The following MAD2L2 variants were observed in gnomAD, a reference collection of about 807,000 sequenced individuals.
The protein encoded by MAD2L2 is mitotic spindle assembly checkpoint protein MAD2B.
A neutral mutation model predicts 30.5 loss-of-function variants in MAD2L2; 17 were observed. That is an observed-to-expected ratio of 0.56 (90% confidence interval 0.38 to 0.84). The LOEUF (loss-of-function observed/expected upper bound fraction) is 0.84, where lower values mean the gene tolerates loss of function less well. Ranked by LOEUF, MAD2L2 falls within the 40% of genes least tolerant of loss-of-function variation. The pLI is 0.00. For synonymous variants in MAD2L2, 101 were observed against 113.9 expected, an observed-to-expected ratio of 0.89 and a Z score of 0.72; for missense variants, 213 against 277.4, an observed-to-expected ratio of 0.77 and a Z score of 1.65.
chr1:11,689,613 G>C (rs1031001609), intron 1 of MAD2L2, among the ~76,000 whole-genome samples: 1 of 152,124 alleles, frequency 6.6e-6, no homozygotes, highest in Non-Finnish European at 1.5e-5. Flanking sequence ...AACAAAAGGC[G>C]GGGGGAGGGG....
rs369306059 is a variant in MAD2L2, at chr1:11,676,033, G to C, written c.427+13C>G. ...GAAATGCCAAGGGAAGAGAGGGTGG[G>C]GAGTGGACACACCTGGGGGGTTGTG... On this transcript the variant is annotated intron_variant, in intron 6 of 8. Transcript: ENST00000376692. 1 of 1,608,010 alleles carries C rather than the reference G, an allele frequency of 6.2e-7. No individual in the cohort carries two copies. Among genetic ancestry groups the C allele is most frequent in the East Asian group, 2.2e-5 (1 of 44,848 alleles).
In MAD2L2 at chr1:11,674,685, T is replaced by C. The variant is rs2100704529; in HGVS notation, c.*90A>G. 7.2e-7 allele frequency: 1 copy of C among 1,386,502 alleles called. No individual in the cohort carries two copies. Among genetic ancestry groups the C allele is most frequent in the Non-Finnish European group, 1.0e-6 (1 of 981,246 alleles). 85.9% of individuals were successfully genotyped at this position (1,386,502 alleles called of 1,614,324 possible). A position where few individuals can be genotyped will look rare whatever the true frequency, so the allele number is the denominator to read the frequency against. ...CCACACACAGAGGCGATAAGAGCAC[T>C]TGGAATCAGGGCAGCCATGCAGCAC... On this transcript the variant is annotated 3_prime_UTR_variant, in exon 9 of 9. Coordinates refer to ENST00000376692, the MANE Select transcript of MAD2L2 (RefSeq NM_006341.4). This position sits in a 1 kb window ranked among gnomAD's most constrained non-coding sequence, Gnocchi z 6.1.
At chr1:11,682,126 C>T (rs1640889730), upstream of MAD2L2, 1 of 152,228 alleles carries the variant, frequency 6.6e-6, no homozygotes, top group Non-Finnish European at 1.5e-5. Context: ...TTTATAGCCC[C>T]ACTTTACAGA....
rs969168903 is a variant in MAD2L2, at chr1:11,687,204, T to C, written c.-692+4209A>G. On this transcript the variant is annotated intron_variant, in intron 1 of 10. Transcript: ENST00000235310. The surrounding 1 kb of genome is among the most constrained non-coding windows in gnomAD (Gnocchi z 4.1). ...CCTCAGCCTCCCCAATAGCTGGGGC[T>C]ACAGGTGTGCACCATCACACCCAGC... Among the ~76,000 whole-genome samples the C allele has an allele frequency of 1.3e-5, 2 of 152,178 alleles. No homozygotes were observed. The highest frequency in any genetic ancestry group is 2.1e-4 in the South Asian group (1 of 4,830).
At chr1:11,685,437 C>T (rs1387398219), upstream of MAD2L2, among the ~76,000 whole-genome samples, 1 of 152,150 alleles carries the variant, frequency 6.6e-6, no homozygotes, top group Admixed American at 6.5e-5. Context: ...AAAACAAAAG[C>T]AAGGGCTGTG....
intron 3 of MAD2L2, among the ~76,000 whole-genome samples, chr1:11,677,903 C>G (rs1323407359): frequency 6.6e-6 from 1 of 151,472 alleles, no homozygotes; most frequent in Non-Finnish European, 1.5e-5. Flanking sequence ...ACTAAAAATA[C>G]AAAAATTAGC....
chr1:11,675,673 C>T lies in MAD2L2; in HGVS notation c.486G>A (p.Lys162=). Residue 162 remains lysine, a synonymous_variant, in exon 7 of 9, where the codon AAG becomes AAA. Coordinates refer to ENST00000376692, the MANE Select transcript of MAD2L2 (RefSeq NM_006341.4). Reference sequence around the variant, plus strand: ...CTCATCTCACCTTGATGACCTGGATCTTCTCCATGTTGCGAGTGGCGGCTT... The same window carrying T: ...CTCATCTCACCTTGATGACCTGGATTTTCTCCATGTTGCGAGTGGCGGCTT... The part of the protein sequence containing the change: ...TREAATRNME[K]IQVIKDFPWI... 3 of 1,614,122 alleles carry T rather than the reference C, an allele frequency of 1.9e-6. No individual in the cohort carries two copies. The highest frequency in any genetic ancestry group is 2.5e-6 in the Non-Finnish European group (3 of 1,179,988).
chr1:11,676,075 C>T lies in MAD2L2; in HGVS notation c.398G>A (p.Cys133Tyr). 1 of 1,613,288 alleles carries T rather than the reference C, an allele frequency of 6.2e-7. No individual in the cohort carries two copies. The highest frequency in any genetic ancestry group is 1.3e-5 in the African/African-American group (1 of 75,026). ...GGGGTTGTGGTCCAGGACGGCATCG[C>T]ACACGCTGATCTTCAGGATGAAGGC... ...LRAFILKISV[C>Y]DAVLDHNPPG... The change falls in exon 6 of 9, where the codon TGC (cysteine) becomes TAC (tyrosine). Residue 133 changes from cysteine to tyrosine, a missense_variant. Coordinates refer to ENST00000376692, the MANE Select transcript of MAD2L2 (RefSeq NM_006341.4).
At chr1:11,682,415 C>T (rs1640893170), upstream of MAD2L2, among the ~76,000 whole-genome samples, 4 of 152,072 alleles carry the variant, frequency 2.6e-5, no homozygotes, top group African/African-American at 9.7e-5. Context: ...ACTTGTTTAT[C>T]GTTTACAGCT....
intron 2 of MAD2L2, 40 bp from the exon 3 acceptor site, chr1:11,680,511 C>T (rs1232897965): frequency 6.2e-7 from 1 of 1,611,218 alleles, no homozygotes; most frequent in Non-Finnish European, 8.5e-7. Context: ...TCGAGGAAGC[C>T]CGCCGGCCCA....
intron 3 of MAD2L2, among the ~76,000 whole-genome samples, chr1:11,679,086 C>T (rs548718464): frequency 6.5e-4 from 99 of 152,318 alleles, no homozygotes; most frequent in African/African-American, 2.3e-3. Context: ...ATCACTTGAA[C>T]CCAGGAGGTG....
In MAD2L2 at chr1:11,674,711, T is replaced by C; in HGVS notation, c.*64A>G. On this transcript the variant is annotated 3_prime_UTR_variant, in exon 9 of 9. Transcript: ENST00000376692. The surrounding 1 kb of genome is among the most constrained non-coding windows in gnomAD (Gnocchi z 6.1). Reference sequence around the variant, plus strand: ...TGGAATCAGGGCAGCCATGCAGCACTGCCCTAGGCGGGGATCCCCCAAAGT... The same window carrying C: ...TGGAATCAGGGCAGCCATGCAGCACCGCCCTAGGCGGGGATCCCCCAAAGT... The C allele has an allele frequency of 6.5e-7, 1 of 1,549,650 alleles. No individual in the cohort carries two copies. Among genetic ancestry groups the C allele is most frequent in the Non-Finnish European group, 8.9e-7 (1 of 1,123,818 alleles).
rs546300610 is a variant in MAD2L2, at chr1:11,690,740, C to G, written c.-692+673G>C. On this transcript the variant is annotated intron_variant, in intron 1 of 10. Coordinates refer to the MAD2L2 transcript ENST00000235310. The surrounding 1 kb of genome is among the most constrained non-coding windows in gnomAD (Gnocchi z 4.2). ...TTGCAGCGTCCGTGGCCCCACCGAC[C>G]CCGTCGTGAGTTATGGGAGGCACGG... Among the ~76,000 whole-genome samples the G allele has an allele frequency of 6.6e-6, 1 of 152,272 alleles. No individual in the cohort carries two copies. The highest frequency in any genetic ancestry group is 6.5e-5 in the Admixed American group (1 of 15,304).
chr1:11,676,723 G>T, intron 5 of MAD2L2, 125 bp downstream of exon 5: 1 of 740,954 alleles, frequency 1.3e-6, no homozygotes. Context: ...TGTCATGCTG[G>T]TGCTTCTTGC....
At chr1:11,685,383 T>C (rs1361508959), upstream of MAD2L2, among the ~76,000 whole-genome samples, 1 of 152,170 alleles carries the variant, frequency 6.6e-6, no homozygotes, top group African/African-American at 2.4e-5. Flanking sequence ...TCGACTTCAG[T>C]GCCCGGGCTA....
At position 11,680,471 on chromosome 1, in the gene MAD2L2, A is replaced by G; in HGVS notation, c.41T>C (p.Val14Ala). Residue 14 changes from valine (V) to alanine (A), a missense_variant and splice_region_variant, in exon 3 of 9, where the codon GTG becomes GCG. Val to Ala is a moderately conservative substitution (Grantham distance 64). Coordinates refer to ENST00000376692, the MANE Select transcript of MAD2L2 (RefSeq NM_006341.4). ...LTRQDLNFGQVVADVLCEFLE... is the reference protein window; with the variant it reads ...LTRQDLNFGQAVADVLCEFLE... ...GAACTCGCAGAGCACATCGGCCACC[A>G]CTGCAGGGGGGCACAAGCCGGTGGC... 6.2e-7 allele frequency: 1 copy of G among 1,613,308 alleles called. No individual in the cohort carries two copies. The highest frequency in any genetic ancestry group is 8.5e-7 in the Non-Finnish European group (1 of 1,179,584).
intron 4 of MAD2L2, 195 bp from the exon 5 acceptor site, chr1:11,677,143 TGA>T: frequency 1.6e-6 from 1 of 628,628 alleles, no homozygotes; most frequent in Admixed American, 2.9e-5. Flanking sequence ...TGGTGTAGGC[TGA>T]GAGAATGCCC....
chr1:11,684,408 T>C (rs1640926297), upstream of MAD2L2, among the ~76,000 whole-genome samples: 1 of 152,070 alleles, frequency 6.6e-6, no homozygotes, highest in Non-Finnish European at 1.5e-5. Context: ...TGACAATATG[T>C]AGGAGGGCGG....
chr1:11,676,238 G>C (rs1044207545), intron 5 of MAD2L2, 98 bp from the exon 6 acceptor site: 3 of 712,756 alleles, frequency 4.2e-6, no homozygotes, highest in Non-Finnish European at 7.1e-6. Context: ...ACCCCCTCCA[G>C]TGCCTGTGAG....
Sources: allele counts gnomAD v4.1 joint callset (sites outside exome capture counted in the v4.1 genomes callset), GRCh38; gene constraint gnomAD v4.1.1; non-coding constraint Gnocchi (gnomAD v3.1); transcripts MANE v1.5; gene names NCBI Gene and HGNC (gene_info 2026-07-23, HGNC 2026-07-21).